Variants in RSBN1L observed in about 807,000 individuals in gnomAD.
The protein encoded by RSBN1L is round spermatid basic protein 1 like.
In RSBN1L, 30 loss-of-function variants were observed where a neutral mutation model predicts 67.7. The ratio of observed to expected loss-of-function variants is 0.44; its 90% CI spans 0.33 to 0.60. The LOEUF (loss-of-function observed/expected upper bound fraction) is 0.60. RSBN1L is among the 20% of genes least tolerant of loss of function. The pLI is 0.02. For missense variants in RSBN1L, 992 were observed against 1,031.7 expected (o/e 0.96, Z 0.53); for synonymous variants, 433 against 387.0 (o/e 1.12, Z -1.39).
Position 77,696,756 on chromosome 7 carries a change from C to T in RSBN1L, c.287C>T (p.Ser96Phe). 6.2e-7 allele frequency: 1 copy of T among 1,613,862 alleles called. No homozygotes were observed. Among genetic ancestry groups the T allele is most frequent in the Non-Finnish European group, 8.5e-7 (1 of 1,180,016 alleles). The change falls in exon 1 of 8, where the codon TCC becomes TTC. Residue 96 changes from serine (S) to phenylalanine (F), a missense_variant. Coordinates refer to ENST00000334955, the MANE Select transcript of RSBN1L (RefSeq NM_198467.3). ...TTTGCCCCTCTGTCTGCTGCTCCCT[C>T]CCCGTCCTCTTCTCGGAGCAGTTTC... ...WSFAPLSAAP[S>F]PSSSRSSFSF... is the part of the protein sequence containing the mutation.
intron 1 of RSBN1L, among the ~76,000 whole-genome samples, chr7:77,706,302 T>G (rs1257159585): frequency 6.6e-6 from 1 of 152,118 alleles, no homozygotes; most frequent in Non-Finnish European, 1.5e-5. Context: ...GGTTTCGAGC[T>G]CCTGACCTCA....
intron 1 of RSBN1L, among the ~76,000 whole-genome samples, chr7:77,702,773 G>A (rs959584745): frequency 2.6e-5 from 4 of 152,136 alleles, no homozygotes; most frequent in African/African-American, 9.7e-5. Flanking sequence ...GCCAGGTTCT[G>A]GTAAGGGCTC....
chr7:77,739,606 G>C, intron 2 of RSBN1L, among the ~76,000 whole-genome samples: 1 of 148,024 alleles, frequency 6.8e-6, no homozygotes, highest in Non-Finnish European at 1.5e-5. Flanking sequence ...CCAGCTACTC[G>C]TGAGGCTGAG....
intron 1 of RSBN1L, among the ~76,000 whole-genome samples, chr7:77,708,357 T>C (rs1026531195): frequency 6.6e-6 from 1 of 151,176 alleles, no homozygotes; most frequent in Non-Finnish European, 1.5e-5. Context: ...TTGGCCACAG[T>C]GTGCCTTCCT....
At chr7:77,734,781 G>A (rs371982209) in intron 1 of RSBN1L, among the ~76,000 whole-genome samples, 1 of 152,024 alleles carries the variant, frequency 6.6e-6, no homozygotes, top group East Asian at 1.9e-4. Context: ...GAGCCACCGC[G>A]CCCGGCCTGG....
chr7:77,701,166 AAAAACAACAAC>A (rs757934623), intron 1 of RSBN1L, among the ~76,000 whole-genome samples: 1 of 115,368 alleles, frequency 8.7e-6, no homozygotes, highest in African/African-American at 3.8e-5. Context: ...AAAAAAAAAA[AAAAACAACAAC>A]AACAACAACA....
At chr7:77,765,751 C>A in intron 4 of RSBN1L, 119 bp downstream of exon 4, 1 of 714,984 alleles carries the variant, frequency 1.4e-6, no homozygotes, top group Non-Finnish European at 2.2e-6. Context: ...AAATGAATGG[C>A]TGTTTCAGAA....
At chr7:77,718,277 A>C (rs1791073791) in intron 1 of RSBN1L, among the ~76,000 whole-genome samples, 1 of 152,088 alleles carries the variant, frequency 6.6e-6, no homozygotes, top group African/African-American at 2.4e-5. Context: ...TTAGCCCTTC[A>C]CTTCTTGATT....
At chr7:77,729,736 T>C (rs1207344093) in intron 1 of RSBN1L, among the ~76,000 whole-genome samples, 1 of 152,114 alleles carries the variant, frequency 6.6e-6, no homozygotes, top group Admixed American at 6.5e-5. Context: ...GGTGGAGTGT[T>C]TGAGCACAGG....
chr7:77,705,750 G>C (rs1013875917), intron 1 of RSBN1L, among the ~76,000 whole-genome samples: 1 of 151,886 alleles, frequency 6.6e-6, no homozygotes, highest in Non-Finnish European at 1.5e-5. Flanking sequence ...GACCTCAGGT[G>C]TTCTGCCTGC....
rs116576757 is a variant in RSBN1L at position 77,718,278 on chromosome 7, C to A, written c.587-18132C>A. Among the ~76,000 whole-genome samples, 481 of 152,228 alleles carry A rather than the reference C, an allele frequency of 3.2e-3. 4 individuals are homozygous for A. Among genetic ancestry groups the A allele is most frequent in the African/African-American group, 0.01 (418 of 41,550 alleles). On this transcript the variant is annotated intron_variant, in intron 1 of 7. Coordinates refer to ENST00000334955, the MANE Select transcript of RSBN1L (RefSeq NM_198467.3). ...AAGCCTTTTTTCTTTTAGCCCTTCA[C>A]TTCTTGATTTTAATATATCAGTGTA...
chr7:77,740,237 A>C (rs555884537), intron 2 of RSBN1L, among the ~76,000 whole-genome samples: 21 of 152,360 alleles, frequency 1.4e-4, no homozygotes, highest in African/African-American at 4.8e-4. Flanking sequence ...ATTTTATACT[A>C]AAGTTCACCA....
At chr7:77,702,461 T>C (rs1171536120) in intron 1 of RSBN1L, among the ~76,000 whole-genome samples, 1 of 152,206 alleles carries the variant, frequency 6.6e-6, no homozygotes, top group Non-Finnish European at 1.5e-5. Context: ...TTTTGGTTGC[T>C]TTCTTTTAGT....
In RSBN1L at chr7:77,749,946, C is replaced by T. The variant is rs774267236; in HGVS notation, c.1226C>T (p.Thr409Ile). ...ATGGGTATTGTTCATGGGGCAGCTA[C>T]TTATTTACCTGACTTTTTAGACTAT... ...YVMGIVHGAA[T>I]YLPDFLDYFS... is the part of the protein sequence containing the mutation. The change falls in exon 3 of 8, where the codon ACT becomes ATT. Residue 409 changes from threonine (T) to isoleucine (I), a missense_variant. This residue lies in a region of RSBN1L where 63 missense variants were observed against 84.8 expected (regional missense o/e 0.74). Transcript: ENST00000334955. 3.1e-6 allele frequency: 5 copies of T among 1,614,100 alleles called. No individual in the cohort carries two copies. Among genetic ancestry groups the T allele is most frequent in the Non-Finnish European group, 4.2e-6 (5 of 1,179,986 alleles).
chr7:77,704,163 A>G (rs1354691366), intron 1 of RSBN1L, among the ~76,000 whole-genome samples: 1 of 152,174 alleles, frequency 6.6e-6, no homozygotes, highest in African/African-American at 2.4e-5. Context: ...TAATTTGTCT[A>G]ATTTTCTCAT....
chr7:77,717,500 C>T (rs898164006), intron 1 of RSBN1L, among the ~76,000 whole-genome samples: 1 of 152,144 alleles, frequency 6.6e-6, no homozygotes, highest in Non-Finnish European at 1.5e-5. Context: ...TGTGGTACTT[C>T]AAGCATTGTT....
intron 3 of RSBN1L, among the ~76,000 whole-genome samples, chr7:77,751,914 A>G (rs973470861): frequency 1.3e-5 from 2 of 152,154 alleles, no homozygotes; most frequent in East Asian, 1.9e-4. Context: ...TCTTGCTTTG[A>G]TACTATGCAA....
chr7:77,705,467 G>A (rs1278681561), intron 1 of RSBN1L, among the ~76,000 whole-genome samples: 6 of 147,862 alleles, frequency 4.1e-5, no homozygotes, highest in Admixed American at 4.0e-4. Context: ...TGCTAAATTT[G>A]ATTACTTGAT....
At chr7:77,731,596 A>G (rs1239694294) in intron 1 of RSBN1L, among the ~76,000 whole-genome samples, 2 of 152,072 alleles carry the variant, frequency 1.3e-5, no homozygotes, top group Non-Finnish European at 2.9e-5. Flanking sequence ...CTTTTTTTGG[A>G]TAATAACCCT....
Sources: allele counts gnomAD v4.1 joint callset (sites outside exome capture counted in the v4.1 genomes callset), GRCh38; gene constraint gnomAD v4.1.1; regional missense constraint gnomAD v4.1.1; transcripts MANE v1.5; gene names NCBI Gene and HGNC (gene_info 2026-07-23, HGNC 2026-07-21).